Variants in GNA14 observed in about 807,000 individuals in gnomAD.
GNA14 encodes G protein subunit alpha 14, also known as guanine nucleotide-binding protein subunit alpha-14.
GNA14 carries 50 observed loss-of-function variants against 42.0 expected under a neutral mutation model. The ratio of observed to expected loss-of-function variants is 1.19; its 90% confidence interval spans 0.95 to 1.51. The LOEUF (loss-of-function observed/expected upper bound fraction) is 1.51. Ranked by LOEUF, GNA14 falls within the 40% of genes most tolerant of loss-of-function variation. GNA14 has a pLI of 0.00. For synonymous variants in GNA14, 173 were observed against 163.1 expected (o/e 1.06, Z -0.46); for missense variants, 473 against 446.2 (o/e 1.06, Z -0.54).
At chr9:77,470,725 A>G (rs1049229100) in intron 2 of GNA14, among the ~76,000 whole-genome samples, 1 of 152,182 alleles carries the variant, frequency 6.6e-6, no homozygotes, top group African/African-American at 2.4e-5. Context: ...AAGAGGTTGA[A>G]TTGACTCATA....
chr9:77,623,682 C>T (rs1398307094), intron 1 of GNA14, among the ~76,000 whole-genome samples: 1 of 152,126 alleles, frequency 6.6e-6, no homozygotes, highest in African/African-American at 2.4e-5. Flanking sequence ...AACTCCCTAC[C>T]CTAGCCAAGG....
At chr9:77,424,989 T>C (rs539135040) in intron 6 of GNA14, among the ~76,000 whole-genome samples, 3 of 152,238 alleles carry the variant, frequency 2.0e-5, no homozygotes, top group African/African-American at 7.2e-5. Flanking sequence ...CATGAGACTC[T>C]CCTACCTTGG....
intron 2 of GNA14, among the ~76,000 whole-genome samples, chr9:77,481,832 T>C (rs1416986533): frequency 1.3e-5 from 2 of 152,162 alleles, no homozygotes; most frequent in Non-Finnish European, 2.9e-5. Flanking sequence ...TTCATCTTTG[T>C]TGGTTTAAAG....
At chr9:77,484,066 G>A (rs553697677) in intron 2 of GNA14, among the ~76,000 whole-genome samples, 1 of 152,248 alleles carries the variant, frequency 6.6e-6, no homozygotes, top group East Asian at 1.9e-4. Flanking sequence ...CTTTTCTTTG[G>A]AGAACATGAA....
chr9:77,525,325 C>T (rs1837417044), intron 2 of GNA14, among the ~76,000 whole-genome samples: 1 of 152,088 alleles, frequency 6.6e-6, no homozygotes, highest in African/African-American at 2.4e-5. Flanking sequence ...TTTTTAGAGC[C>T]AATCCAGGGT....
At chr9:77,531,680 G>C (rs1186876728) in intron 1 of GNA14, among the ~76,000 whole-genome samples, 1 of 150,136 alleles carries the variant, frequency 6.7e-6, no homozygotes, top group African/African-American at 2.5e-5. Context: ...CCTGAAGCCA[G>C]AAAAATCACT....
chr9:77,543,507 A>T (rs1182495096), intron 1 of GNA14, among the ~76,000 whole-genome samples: 1 of 152,212 alleles, frequency 6.6e-6, no homozygotes, highest in Non-Finnish European at 1.5e-5. Flanking sequence ...AGCCCGTGGG[A>T]CTAAGCATGA....
At chr9:77,643,529 G>A (rs1054054022) in intron 1 of GNA14, among the ~76,000 whole-genome samples, 5 of 152,122 alleles carry the variant, frequency 3.3e-5, no homozygotes, top group South Asian at 2.1e-4. Context: ...GTGAGCCACC[G>A]CACCCAATCG....
intron 1 of GNA14, among the ~76,000 whole-genome samples, chr9:77,575,816 G>A (rs62573428): frequency 6.6e-6 from 1 of 152,114 alleles, no homozygotes; most frequent in Non-Finnish European, 1.5e-5. Flanking sequence ...TTGAGTTGTC[G>A]GGGGCTGAAC....
At chr9:77,635,011 C>T (rs957620911) in intron 1 of GNA14, among the ~76,000 whole-genome samples, 3 of 152,136 alleles carry the variant, frequency 2.0e-5, no homozygotes, top group Non-Finnish European at 2.9e-5. Flanking sequence ...CGTTTGGTCA[C>T]TATTATTATT....
At chr9:77,450,011 A>G (rs1037238342) in intron 2 of GNA14, among the ~76,000 whole-genome samples, 1 of 152,180 alleles carries the variant, frequency 6.6e-6, no homozygotes, top group Non-Finnish European at 1.5e-5. Context: ...GGTACCGGAC[A>G]GACTGGAAGC....
At chr9:77,572,895 T>C (rs1417683703) in intron 1 of GNA14, among the ~76,000 whole-genome samples, 1 of 152,164 alleles carries the variant, frequency 6.6e-6, no homozygotes, top group Non-Finnish European at 1.5e-5. Flanking sequence ...ATGGAGATAA[T>C]ATTACAGGTA....
At chr9:77,638,157 C>T (rs1564072696) in intron 1 of GNA14, among the ~76,000 whole-genome samples, 1 of 152,168 alleles carries the variant, frequency 6.6e-6, no homozygotes, top group African/African-American at 2.4e-5. Context: ...TTCTGGCTTT[C>T]AGTGCTCACA....
chr9:77,587,898 T>C (rs60960139), intron 1 of GNA14, among the ~76,000 whole-genome samples: 2,382 of 152,282 alleles, frequency 0.016, 66 homozygotes, highest in African/African-American at 0.053. Context: ...GAGGGCTCTG[T>C]TCCTTCTGGA....
chr9:77,481,639 G>C (rs1836554298), intron 2 of GNA14, among the ~76,000 whole-genome samples: 1 of 152,168 alleles, frequency 6.6e-6, no homozygotes, highest in Non-Finnish European at 1.5e-5. Flanking sequence ...GTCTAATGTT[G>C]ACAGTGGGGT....
chr9:77,462,080 G>C (rs943744521), intron 2 of GNA14, among the ~76,000 whole-genome samples: 1 of 152,186 alleles, frequency 6.6e-6, no homozygotes, highest in African/African-American at 2.4e-5. Context: ...GCATAGACAA[G>C]ATCTTCTAGG....
intron 1 of GNA14, among the ~76,000 whole-genome samples, chr9:77,532,554 A>G (rs2131770824): frequency 6.6e-6 from 1 of 152,318 alleles, no homozygotes; most frequent in Non-Finnish European, 1.5e-5. Context: ...CTAAACAGAA[A>G]CTCAACACTC....
At chr9:77,489,361 T>TA (rs752598748) in intron 2 of GNA14, among the ~76,000 whole-genome samples, 6 of 152,204 alleles carry the variant, frequency 3.9e-5, no homozygotes, top group African/African-American at 7.2e-5. Flanking sequence ...AAAGCTTATT[T>TA]AAAAAAATAA....
intron 2 of GNA14, among the ~76,000 whole-genome samples, chr9:77,493,392 G>T (rs773792942): frequency 6.6e-6 from 1 of 152,062 alleles, no homozygotes. Flanking sequence ...TACAATGAAG[G>T]TGCCTATTTT....
Sources: gnomAD v4.1 joint callset for allele counts (sites outside exome capture counted in the v4.1 genomes callset) on GRCh38, gnomAD v4.1.1 for gene constraint, MANE v1.5 for transcripts, NCBI Gene and HGNC (gene_info 2026-07-23, HGNC 2026-07-21) for gene names.